The following HORMAD2 variants were observed in gnomAD, a reference collection of about 807,000 sequenced individuals.
HORMAD2 encodes HORMA domain-containing protein 2.
A neutral mutation model predicts 38.8 loss-of-function variants in HORMAD2; 45 were observed. That is an observed-to-expected ratio of 1.16 (90% confidence interval 0.91 to 1.49). The LOEUF is 1.49. Among genes scored for constraint, HORMAD2 ranks in the 40% most tolerant of loss-of-function variants. The pLI is 0.00. For synonymous variants in HORMAD2, 126 were observed against 122.8 expected, an observed-to-expected ratio of 1.03 and a Z score of -0.17; for missense variants, 338 against 367.0, an observed-to-expected ratio of 0.92 and a Z score of 0.65.
rs117342141 is a variant in HORMAD2 at position 30,124,019 on chromosome 22, G to A, written c.819+1805G>A. ...TTTTTTTTTAATCAAATGAAAGCAG[G>A]ACAACCTAAGAACGCATAGTTCAAC... On this transcript the variant is annotated intron_variant, in intron 10 of 10. Coordinates refer to ENST00000336726, the MANE Select transcript of HORMAD2 (RefSeq NM_152510.4). 3.3e-3 allele frequency among the ~76,000 whole-genome samples: 504 copies of A among 151,194 alleles called. 21 individuals carry two copies. In the South Asian group the frequency reaches 0.047, roughly 14 times the overall value.
the HORMAD2 span, among the ~76,000 whole-genome samples, chr22:30,201,658 C>T: frequency 4.6e-5 from 7 of 152,020 alleles, no homozygotes; most frequent in Non-Finnish European, 7.4e-5. Context: ...CCTCATGATC[C>T]GCCCGCCTCG....
chr22:30,152,900 A>G (rs1199215172), intron 10 of HORMAD2, among the ~76,000 whole-genome samples: 1 of 152,112 alleles, frequency 6.6e-6, no homozygotes, highest in Non-Finnish European at 1.5e-5. Context: ...GTCGACTTCC[A>G]TATGTGTTAT....
At chr22:30,097,173 A>G (rs1282766979) in intron 2 of HORMAD2, among the ~76,000 whole-genome samples, 1 of 152,246 alleles carries the variant, frequency 6.6e-6, no homozygotes. Context: ...GTTAATACAT[A>G]AACACAGTAA....
the HORMAD2 span, among the ~76,000 whole-genome samples, chr22:30,188,965 A>G: frequency 6.6e-6 from 1 of 152,152 alleles, no homozygotes; most frequent in Non-Finnish European, 1.5e-5. Context: ...GTGAAACCCT[A>G]TCTCTACAAA....
chr22:30,147,090 C>G (rs2146192376), intron 10 of HORMAD2, among the ~76,000 whole-genome samples: 1 of 152,202 alleles, frequency 6.6e-6, no homozygotes, highest in South Asian at 2.1e-4. Context: ...TTGGAAGACT[C>G]AAGTGAGATG....
At chr22:30,180,770 CTTCCCTTCCT>C (rs1046311535), downstream of HORMAD2, among the ~76,000 whole-genome samples, 1 of 151,412 alleles carries the variant, frequency 6.6e-6, no homozygotes. Context: ...TTCCCCTTCC[CTTCCCTTCCT>C]TTCCCTTCCC....
chr22:30,131,894 G>A (rs1201491543), intron 10 of HORMAD2, among the ~76,000 whole-genome samples: 1 of 151,980 alleles, frequency 6.6e-6, no homozygotes, highest in Admixed American at 6.5e-5. Context: ...CATTTCTTTT[G>A]TGCCAACACA....
At chr22:30,114,893 T>G (rs2146115848) in intron 7 of HORMAD2, among the ~76,000 whole-genome samples, 1 of 152,282 alleles carries the variant, frequency 6.6e-6, no homozygotes, top group Middle Eastern at 3.4e-3. Context: ...CTAAGTAAAC[T>G]AAGTACTAAA....
Position 30,111,831 on chromosome 22 carries a change from A to C in HORMAD2, c.315+15A>C. On this transcript the variant is annotated intron_variant, in intron 6 of 10. Transcript: ENST00000336726. ...CAGTACTGACAGTAAGTACACACTC[A>C]TTTAAAGACCAAGCCTCTGTCTCTA... 1 of 1,563,854 alleles carries C rather than the reference A, an allele frequency of 6.4e-7. No homozygotes were observed. The highest frequency in any genetic ancestry group is 8.7e-7 in the Non-Finnish European group (1 of 1,153,006).
chr22:30,115,324 G>A (rs1305201796), intron 7 of HORMAD2, among the ~76,000 whole-genome samples: 1 of 152,026 alleles, frequency 6.6e-6, no homozygotes, highest in Non-Finnish European at 1.5e-5. Context: ...GTGGGGTTAT[G>A]TTGCCCCGGC....
Position 30,122,211 on chromosome 22 carries a change from C to G in HORMAD2, c.816C>G (p.Asp272Glu), listed in dbSNP as rs926152711. 2 of 1,605,744 alleles carry G rather than the reference C, an allele frequency of 1.2e-6. No individual in the cohort carries two copies. Among genetic ancestry groups the G allele is most frequent in the African/African-American group, 2.7e-5 (2 of 74,568 alleles). Residue 272 changes from aspartate (D) to glutamate (E), a missense_variant, in exon 10 of 11, where the codon GAC becomes GAG. Coordinates refer to ENST00000336726, the MANE Select transcript of HORMAD2 (RefSeq NM_152510.4). The stretch of plus-strand genomic sequence containing the variant: ...GTGATGAGGAAGAAGAATGCAATGA[C>G]CATGTAAGGCAAAGCTTTAGAGATT... ...LDCDEEEECNDHIQRMNFVCS... is the reference protein window; with the variant it reads ...LDCDEEEECNEHIQRMNFVCS...
In HORMAD2 at chr22:30,158,985, C is replaced by T. The variant is rs191756249; in HGVS notation, c.820-17078C>T. Among the ~76,000 whole-genome samples, 21 of 152,184 alleles carry T rather than the reference C, an allele frequency of 1.4e-4. No homozygotes were observed. The East Asian group carries it at 4.1e-3, about 30-fold the overall frequency. ...CAGGCATGAGCCACTGCGCCTGCCC[C>T]TGTAGTGGTAAAACTTTAGTCACAA... On this transcript the variant is annotated intron_variant, in intron 10 of 10. Transcript: ENST00000336726.
upstream of HORMAD2, among the ~76,000 whole-genome samples, chr22:30,078,257 C>T (rs750506415): frequency 1.3e-5 from 2 of 152,120 alleles, no homozygotes; most frequent in African/African-American, 2.4e-5. Context: ...TCTGATGACA[C>T]TTACTTACTT....
intron 1 of HORMAD2, among the ~76,000 whole-genome samples, chr22:30,092,045 T>G (rs1235551863): frequency 1.2e-5 from 1 of 82,794 alleles, no homozygotes; most frequent in Non-Finnish European, 2.2e-5. Context: ...CCTGGCTAAT[T>G]TTTTTTTTTT....
At chr22:30,144,743 C>T (rs1924306543) in intron 10 of HORMAD2, among the ~76,000 whole-genome samples, 1 of 143,566 alleles carries the variant, frequency 7.0e-6, no homozygotes, top group South Asian at 2.3e-4. Context: ...GGTACAGTAC[C>T]CTAGGCAGAA....
chr22:30,098,509 T>C (rs1243396279), intron 2 of HORMAD2, among the ~76,000 whole-genome samples: 1 of 152,024 alleles, frequency 6.6e-6, no homozygotes, highest in Non-Finnish European at 1.5e-5. Context: ...GAGAGAATAG[T>C]TTAGAAAGGA....
At chr22:30,139,439 A>G (rs1056679023) in intron 10 of HORMAD2, among the ~76,000 whole-genome samples, 3 of 151,014 alleles carry the variant, frequency 2.0e-5, no homozygotes, top group African/African-American at 7.3e-5. Flanking sequence ...CTCGTTGAAT[A>G]GTTCTAATAG....
the HORMAD2 span, among the ~76,000 whole-genome samples, chr22:30,199,633 T>C: frequency 1.3e-5 from 2 of 152,234 alleles, no homozygotes; most frequent in African/African-American, 4.8e-5. Flanking sequence ...TGAGTTAATA[T>C]GTTCTAATAT....
downstream of HORMAD2, among the ~76,000 whole-genome samples, chr22:30,178,777 T>C (rs765428977): frequency 2.0e-5 from 3 of 152,216 alleles, no homozygotes; most frequent in Non-Finnish European, 4.4e-5. Context: ...ATGATGATAG[T>C]TGGAAACTGA....
Sources: allele counts gnomAD v4.1 joint callset (sites outside exome capture counted in the v4.1 genomes callset), GRCh38; gene constraint gnomAD v4.1.1; transcripts MANE v1.5; gene names NCBI Gene and HGNC (gene_info 2026-07-23, HGNC 2026-07-21).